SLC9C1: variants seen among roughly 807,000 people sequenced by gnomAD.
The protein encoded by SLC9C1 is solute carrier family 9 member C1, also known as sodium/hydrogen exchanger 10.
In SLC9C1, 97 loss-of-function variants were observed where a neutral mutation model predicts 140.9. The ratio of observed to expected loss-of-function variants is 0.69; its 90% confidence interval spans 0.58 to 0.82. The LOEUF (loss-of-function observed/expected upper bound fraction) is 0.82, where lower values mean the gene tolerates loss of function less well. Ranked by LOEUF, SLC9C1 falls within the 40% of genes least tolerant of loss-of-function variation. SLC9C1 has a pLI of 0.00. For synonymous variants in SLC9C1, 440 were observed against 442.6 expected (o/e 0.99, Z 0.07); for missense variants, 1,340 against 1,389.3 (o/e 0.96, Z 0.56).
chr3:112,156,633 C>T (rs1472932518), intron 26 of SLC9C1, among the ~76,000 whole-genome samples: 1 of 151,964 alleles, frequency 6.6e-6, no homozygotes, highest in Non-Finnish European at 1.5e-5. Flanking sequence ...TACTACTTTA[C>T]ATCTCCACCA....
chr3:112,206,774 G>A (rs6438039), intron 16 of SLC9C1, among the ~76,000 whole-genome samples: 69,068 of 150,504 alleles, frequency 0.46, 16,261 homozygotes, highest in East Asian at 0.62. Context: ...ATTCTCACTC[G>A]TAGGTGGGAT....
In SLC9C1 at chr3:112,190,018, G is replaced by A. The variant is rs182079166; in HGVS notation, c.2524-7760C>T. The stretch of plus-strand genomic sequence containing the variant: ...CAATTGTGAATGGGAGTTCTCCCAC[G>A]ATTTGGCTCTCTGTTTGTCTGTTAT... On this transcript the variant is annotated intron_variant, in intron 20 of 28. Transcript: ENST00000305815. Among the ~76,000 whole-genome samples, 95 of 152,202 alleles carry A rather than the reference G, an allele frequency of 6.2e-4. No homozygotes were observed. In the East Asian group the frequency reaches 0.016, roughly 25 times the overall value.
intron 14 of SLC9C1, among the ~76,000 whole-genome samples, chr3:112,220,906 A>G (rs2078522812): frequency 6.6e-6 from 1 of 152,212 alleles, no homozygotes; most frequent in Non-Finnish European, 1.5e-5. Flanking sequence ...AGCTTGTTCA[A>G]AATCACGGAG....
Position 112,167,313 on chromosome 3 carries a change from A to G in SLC9C1, c.3272T>C (p.Ile1091Thr), listed in dbSNP as rs768648564. The change falls in exon 26 of 29, where the codon ATT (isoleucine) becomes ACT (threonine). Residue 1091 changes from isoleucine (I) to threonine (T), a missense_variant. Physicochemically the swap from Ile to Thr is moderately conservative, Grantham distance 89 (BLOSUM62 -1). Coordinates refer to ENST00000305815, the MANE Select transcript of SLC9C1 (RefSeq NM_183061.3). ...QSIEDFTKVV[I>T]IQTPINMKTF... ...TTTCATGTTAATCGGAGTTTGAATA[A>G]TCACTACTTTTGTGAAATCTTCAAT... 2.5e-6 allele frequency: 4 copies of G among 1,605,258 alleles called. No homozygotes were observed. The highest frequency in any genetic ancestry group is 3.4e-6 in the Non-Finnish European group (4 of 1,176,674).
chr3:112,217,163 C>T (rs554463910), intron 15 of SLC9C1, among the ~76,000 whole-genome samples: 143 of 152,136 alleles, frequency 9.4e-4, no homozygotes, highest in Middle Eastern at 3.4e-3. Context: ...AATGAGAACA[C>T]TTGGACACAT....
At chr3:112,231,038 A>G (rs1311598828) in intron 13 of SLC9C1, among the ~76,000 whole-genome samples, 1 of 152,110 alleles carries the variant, frequency 6.6e-6, no homozygotes, top group East Asian at 1.9e-4. Context: ...GGATCTGTCA[A>G]ATTCCCAATT....
At chr3:112,236,576 G>A (rs2078992719) in intron 12 of SLC9C1, among the ~76,000 whole-genome samples, 1 of 138,858 alleles carries the variant, frequency 7.2e-6, no homozygotes, top group Non-Finnish European at 1.6e-5. Flanking sequence ...GTCAATTTTA[G>A]ATCTTTCCTG....
intron 27 of SLC9C1, among the ~76,000 whole-genome samples, chr3:112,152,746 G>A (rs2075022952): frequency 6.6e-6 from 1 of 152,098 alleles, no homozygotes; most frequent in South Asian, 2.1e-4. Context: ...CTGGAGAATG[G>A]CGATGACTTT....
rs114581383 is a variant in SLC9C1 at position 112,202,624 on chromosome 3, A to G, written c.2173-225T>C. On this transcript the variant is annotated intron_variant, in intron 17 of 28. Coordinates refer to ENST00000305815, the MANE Select transcript of SLC9C1 (RefSeq NM_183061.3). ...ATTTGGGGGTACCTATGTGAAATTT[A>G]TGACTTTATTCTTTACTTATTTTCC... 6.2e-3 allele frequency among the ~76,000 whole-genome samples: 947 copies of G among 152,090 alleles called. 14 individuals are homozygous for G. Among genetic ancestry groups the G allele is most frequent in the African/African-American group, 0.022 (906 of 41,518 alleles).
chr3:112,161,711 T>G (rs2075305066), intron 26 of SLC9C1, among the ~76,000 whole-genome samples: 1 of 152,048 alleles, frequency 6.6e-6, no homozygotes, highest in African/African-American at 2.4e-5. Context: ...GCGTGATGCC[T>G]CCAGCTTTGT....
At chr3:112,237,872 C>T (rs1197490971) in intron 12 of SLC9C1, among the ~76,000 whole-genome samples, 3 of 152,218 alleles carry the variant, frequency 2.0e-5, no homozygotes, top group Non-Finnish European at 4.4e-5. Context: ...CAACTTTTCT[C>T]TCTGGCTGCC....
chr3:112,238,737 G>A (rs2079060666), intron 12 of SLC9C1, among the ~76,000 whole-genome samples: 1 of 152,180 alleles, frequency 6.6e-6, no homozygotes, highest in Non-Finnish European at 1.5e-5. Flanking sequence ...GACCCTGTTT[G>A]CCTGGGTATC....
At chr3:112,240,869 A>G (rs932656176) in intron 11 of SLC9C1, among the ~76,000 whole-genome samples, 7 of 152,212 alleles carry the variant, frequency 4.6e-5, no homozygotes, top group Admixed American at 2.0e-4. Flanking sequence ...AATAAGCCAC[A>G]CACAGAAAGA....
chr3:112,277,879 A>C lies in SLC9C1; in HGVS notation c.319-19T>G. 6.3e-7 allele frequency: 1 copy of C among 1,577,056 alleles called. No individual in the cohort carries two copies. The highest frequency in any genetic ancestry group is 8.6e-7 in the Non-Finnish European group (1 of 1,160,688). On this transcript the variant is annotated intron_variant, in intron 4 of 28. Coordinates refer to ENST00000305815, the MANE Select transcript of SLC9C1 (RefSeq NM_183061.3). Reference sequence around the variant, plus strand: ...AAAGTATCTGCAAAGAAATTTTACAATTAGAAAAATCAGACTGCTTTTGTA... The same window carrying C: ...AAAGTATCTGCAAAGAAATTTTACACTTAGAAAAATCAGACTGCTTTTGTA...
chr3:112,146,788 G>A (rs568677013), intron 28 of SLC9C1, among the ~76,000 whole-genome samples: 1 of 152,278 alleles, frequency 6.6e-6, no homozygotes, highest in African/African-American at 2.4e-5. Flanking sequence ...CATTGTGGTT[G>A]ATGGGTGGCG....
In SLC9C1 at chr3:112,270,035, C is replaced by T. The variant is rs753549253; in HGVS notation, c.656G>A (p.Ser219Asn). Residue 219 changes from serine (S) to asparagine (N), a missense_variant, in exon 7 of 29, where the codon AGT becomes AAT. Transcript: ENST00000305815. ...VGGICSYIIA[S>N]FLFGILSSKL... ...TGAACTTAGAATTCCAAACAAGAAA[C>T]TTGCTATAATATATGAACAAATTCC... 1.3e-6 allele frequency: 2 copies of T among 1,591,188 alleles called. No individual in the cohort carries two copies. The highest frequency in any genetic ancestry group is 1.8e-5 in the Admixed American group (1 of 56,254).
intron 23 of SLC9C1, among the ~76,000 whole-genome samples, chr3:112,178,284 A>G (rs1481006615): frequency 6.6e-6 from 1 of 151,916 alleles, no homozygotes; most frequent in Admixed American, 6.6e-5. Flanking sequence ...ATCTACAGGC[A>G]TGTGTCACCA....
At chr3:112,156,971 T>C (rs1277777166) in intron 26 of SLC9C1, among the ~76,000 whole-genome samples, 2 of 152,162 alleles carry the variant, frequency 1.3e-5, no homozygotes, top group African/African-American at 2.4e-5. Context: ...ATTCTGTAGG[T>C]TGTCTCTTCA....
intron 11 of SLC9C1, among the ~76,000 whole-genome samples, chr3:112,240,225 T>A (rs2079104134): frequency 6.6e-6 from 1 of 152,266 alleles, no homozygotes. Flanking sequence ...TAATGTTTAT[T>A]GAGTGCTTAC....
Sources: allele counts gnomAD v4.1 joint callset (sites outside exome capture counted in the v4.1 genomes callset), GRCh38; gene constraint gnomAD v4.1.1; transcripts MANE v1.5; gene names NCBI Gene and HGNC (gene_info 2026-07-23, HGNC 2026-07-21).